MRAP2: variants seen among roughly 807,000 people sequenced by gnomAD.
MRAP2 encodes melanocortin-2 receptor accessory protein 2.
MRAP2 carries 20 observed loss-of-function variants against 17.4 expected under a neutral mutation model. The ratio of observed to expected loss-of-function variants is 1.15; its 90% CI spans 0.81 to 1.67. The LOEUF (loss-of-function observed/expected upper bound fraction) is 1.67. Ranked by LOEUF, MRAP2 falls within the 40% of genes most tolerant of loss-of-function variation. MRAP2 has a pLI of 0.00. For synonymous variants in MRAP2, 96 were observed against 88.4 expected (o/e 1.09, Z -0.48); for missense variants, 238 against 240.0 (o/e 0.99, Z 0.05).
At chr6:84,094,240 A>G (rs1237653320), downstream of MRAP2, among the ~76,000 whole-genome samples, 2 of 152,180 alleles carry the variant, frequency 1.3e-5, no homozygotes, top group Non-Finnish European at 2.9e-5. Flanking sequence ...TTTTGAGACA[A>G]TAGCAAAGGT....
chr6:84,071,756 C>T (rs1254952335), intron 3 of MRAP2, among the ~76,000 whole-genome samples: 2 of 152,262 alleles, frequency 1.3e-5, no homozygotes, highest in South Asian at 4.1e-4. Context: ...TCCCAGACTT[C>T]TTGGAGGCTT....
At chr6:84,037,904 G>C (rs2099486571) in intron 1 of MRAP2, among the ~76,000 whole-genome samples, 1 of 152,210 alleles carries the variant, frequency 6.6e-6, no homozygotes, top group Non-Finnish European at 1.5e-5. Flanking sequence ...GCAGCGGTGT[G>C]CTGAAGGACT....
chr6:84,087,354 A>G (rs1588663347), intron 3 of MRAP2, among the ~76,000 whole-genome samples: 1 of 152,214 alleles, frequency 6.6e-6, no homozygotes, highest in African/African-American at 2.4e-5. Context: ...GCAATCAGAT[A>G]TGCATTTATC....
At chr6:84,082,603 T>G (rs558433998) in intron 3 of MRAP2, among the ~76,000 whole-genome samples, 85 of 152,306 alleles carry the variant, frequency 5.6e-4, no homozygotes, top group Non-Finnish European at 8.8e-4. Context: ...ACTTCCTCCA[T>G]GTCTCTCTCT....
At chr6:84,100,250 A>T in the MRAP2 span, among the ~76,000 whole-genome samples, 1 of 151,708 alleles carries the variant, frequency 6.6e-6, no homozygotes, top group South Asian at 2.1e-4. Context: ...TCAGTTTTTT[A>T]TTTTTATTTT....
At chr6:84,034,944 A>T (rs1330697040) in intron 1 of MRAP2, among the ~76,000 whole-genome samples, 1 of 152,146 alleles carries the variant, frequency 6.6e-6, no homozygotes, top group African/African-American at 2.4e-5. Flanking sequence ...GGGTACACAG[A>T]CAAGAACAGG....
At chr6:84,144,838 G>C in the MRAP2 span, among the ~76,000 whole-genome samples, 1 of 151,970 alleles carries the variant, frequency 6.6e-6, no homozygotes, top group African/African-American at 2.4e-5. Flanking sequence ...AGAGCAATTT[G>C]GTAAATTATA....
At chr6:84,064,535 T>G (rs2099494064) in intron 3 of MRAP2, among the ~76,000 whole-genome samples, 1 of 152,156 alleles carries the variant, frequency 6.6e-6, no homozygotes, top group African/African-American at 2.4e-5. Flanking sequence ...TCACCCAGGC[T>G]GGAGTGCAGT....
At chr6:84,094,997 G>T (rs1185675068), downstream of MRAP2, among the ~76,000 whole-genome samples, 2 of 152,162 alleles carry the variant, frequency 1.3e-5, no homozygotes, top group Non-Finnish European at 2.9e-5. Flanking sequence ...ACCAGCCACT[G>T]CCCATTGCCA....
intron 1 of MRAP2, among the ~76,000 whole-genome samples, chr6:84,052,062 AG>A (rs1351591091): frequency 1.3e-5 from 2 of 152,178 alleles, no homozygotes; most frequent in Admixed American, 1.3e-4. Flanking sequence ...TGTTCAAAAG[AG>A]CAATTTAGTC....
intron 3 of MRAP2, among the ~76,000 whole-genome samples, chr6:84,078,061 A>T (rs1020214087): frequency 6.6e-6 from 1 of 152,232 alleles, no homozygotes; most frequent in Non-Finnish European, 1.5e-5. Flanking sequence ...AGCATAGGAG[A>T]ATATCTTCAT....
chr6:84,117,114 C>T, the MRAP2 span, among the ~76,000 whole-genome samples: 15 of 152,086 alleles, frequency 9.9e-5, no homozygotes, highest in African/African-American at 7.2e-5. Context: ...CCTCTGATAC[C>T]GAGGTTCAAG....
At position 84,054,752 on chromosome 6, in the gene MRAP2, C is replaced by A. The variant is rs531486669; in HGVS notation, c.-7-560C>A. ...CTCTCTGTCCTCTACCTCCCAAATC[C>A]CACAAAACATCTCGCCTCCACACAT... is the stretch of plus-strand genomic sequence containing the variant. On this transcript the variant is annotated intron_variant, in intron 1 of 3. Coordinates refer to ENST00000257776, the MANE Select transcript of MRAP2 (RefSeq NM_138409.4). 3.9e-5 allele frequency among the ~76,000 whole-genome samples: 6 copies of A among 152,228 alleles called. No individual in the cohort carries two copies. In the East Asian group the frequency reaches 9.7e-4, roughly 25 times the overall value.
At chr6:84,035,223 C>T (rs2099485666) in intron 1 of MRAP2, among the ~76,000 whole-genome samples, 1 of 152,132 alleles carries the variant, frequency 6.6e-6, no homozygotes, top group Non-Finnish European at 1.5e-5. Context: ...GGCAGACGTC[C>T]TAGAGTAGTG....
intron 3 of MRAP2, among the ~76,000 whole-genome samples, chr6:84,084,040 T>C (rs1472517886): frequency 6.6e-6 from 1 of 152,142 alleles, no homozygotes; most frequent in Non-Finnish European, 1.5e-5. Flanking sequence ...AACTAAAATT[T>C]TGGATAAGGA....
At chr6:84,068,889 G>A (rs1440710838) in intron 3 of MRAP2, among the ~76,000 whole-genome samples, 11 of 145,436 alleles carry the variant, frequency 7.6e-5, no homozygotes, top group South Asian at 6.5e-4. Flanking sequence ...GGCTGGTCTC[G>A]AACTCCTGAG....
the MRAP2 span, among the ~76,000 whole-genome samples, chr6:84,131,179 T>A: frequency 1.3e-5 from 2 of 152,240 alleles, no homozygotes; most frequent in African/African-American, 2.4e-5. Context: ...GTGAGTTTTT[T>A]AATCCTGAGT....
At chr6:84,131,137 G>T in the MRAP2 span, among the ~76,000 whole-genome samples, 1 of 152,036 alleles carries the variant, frequency 6.6e-6, no homozygotes, top group African/African-American at 2.4e-5. Context: ...CAGGAGCAGT[G>T]GTTCAGTTTC....
chr6:84,062,752 A>G, intron 2 of MRAP2, 141 bp from the exon 3 acceptor site: 1 of 1,460,702 alleles, frequency 6.8e-7, no homozygotes, highest in Non-Finnish European at 9.1e-7. Flanking sequence ...ACATCTTATC[A>G]GTCTCCAGCC....
Sources: allele counts gnomAD v4.1 joint callset (sites outside exome capture counted in the v4.1 genomes callset), GRCh38; gene constraint gnomAD v4.1.1; transcripts MANE v1.5; gene names NCBI Gene and HGNC (gene_info 2026-07-23, HGNC 2026-07-21).